Variants in MTR observed in about 807,000 individuals in gnomAD.
The protein encoded by MTR is methionine synthase.
A neutral mutation model predicts 154.8 loss-of-function variants in MTR; 84 were observed. The observed-to-expected ratio is 0.54, with a 90% confidence interval of 0.45 to 0.65. The LOEUF (loss-of-function observed/expected upper bound fraction) is 0.65, where lower values mean the gene tolerates loss of function less well. MTR is among the 30% of genes least tolerant of loss of function. The pLI is 0.00. For missense variants in MTR, 1,275 were observed against 1,570.2 expected (o/e 0.81, Z 3.18); for synonymous variants, 554 against 553.9 (o/e 1.00, Z 0.00).
At chr1:236,892,523 A>T (rs1666385518) in intron 29 of MTR, among the ~76,000 whole-genome samples, 1 of 152,150 alleles carries the variant, frequency 6.6e-6, no homozygotes, top group Non-Finnish European at 1.5e-5. Flanking sequence ...TTTAATCCCA[A>T]CCACAATATA....
intron 22 of MTR, among the ~76,000 whole-genome samples, chr1:236,868,275 A>G (rs1558324139): frequency 6.7e-6 from 1 of 150,272 alleles, no homozygotes; most frequent in African/African-American, 2.4e-5. Context: ...GATCATTAGC[A>G]TTTTTTTTTT....
rs184198115 is a variant in MTR at position 236,856,332 on chromosome 1, C to T, written c.1953+3244C>T. ...GATGGGACTGTGAACATCAGAGGGACTTTTTCTTTTTTTTTACTATCTCGT... is the reference window on the plus strand; with the variant it reads ...GATGGGACTGTGAACATCAGAGGGATTTTTTCTTTTTTTTTACTATCTCGT... On this transcript the variant is annotated intron_variant, in intron 18 of 32. Transcript: ENST00000366577. 2.2e-3 allele frequency among the ~76,000 whole-genome samples: 336 copies of T among 152,032 alleles called. 2 individuals are homozygous for T. The highest frequency in any genetic ancestry group is 7.9e-3 in the African/African-American group (329 of 41,460).
rs1028919619 is a variant in MTR at position 236,897,845 on chromosome 1, T to C, written c.*201T>C. ...TGCCTGGAAAACAGGCGCTGTTTTT[T>C]TGGGACCTTGCGTGAAGAGCAGTGA... is the stretch of plus-strand genomic sequence containing the variant. On this transcript the variant is annotated 3_prime_UTR_variant, in exon 33 of 33. Coordinates refer to ENST00000366577, the MANE Select transcript of MTR (RefSeq NM_000254.3). 1.7e-5 allele frequency: 10 copies of C among 597,530 alleles called. No individual in the cohort carries two copies. The highest frequency in any genetic ancestry group is 9.0e-5 in the Admixed American group (3 of 33,456). 37.0% of individuals were successfully genotyped at this position (597,530 alleles called of 1,614,324 possible). A position where few individuals can be genotyped will look rare whatever the true frequency, so the allele number is the denominator to read the frequency against.
At chr1:236,873,863 G>T (rs537206504) in intron 23 of MTR, 23 bp downstream of exon 23, 1 of 1,608,016 alleles carries the variant, frequency 6.2e-7, no homozygotes, top group Non-Finnish European at 8.5e-7. Context: ...TATACTTTGG[G>T]CATTTCTCTA....
intron 12 of MTR, among the ~76,000 whole-genome samples, chr1:236,829,497 C>T (rs1272435305): frequency 6.6e-6 from 1 of 152,150 alleles, no homozygotes; most frequent in African/African-American, 2.4e-5. Flanking sequence ...AGGTGATTTG[C>T]CCAGGTAGAG....
intron 22 of MTR, among the ~76,000 whole-genome samples, chr1:236,867,394 A>G (rs535727448): frequency 6.6e-6 from 1 of 152,344 alleles, no homozygotes; most frequent in African/African-American, 2.4e-5. Flanking sequence ...TGCTCAGTAA[A>G]AAAGATTCCT....
rs555248215 is a variant in MTR, at chr1:236,857,383, A to G, written c.1954-2450A>G. 2.0e-5 allele frequency among the ~76,000 whole-genome samples: 3 copies of G among 152,240 alleles called. No individual in the cohort carries two copies. In the East Asian group the frequency reaches 5.8e-4, roughly 29 times the overall value. ...CAAGGACTATTAAAATATTCTCCCC[A>G]TTTTGTGATTCCCTTAAAAATGTGA... is the stretch of plus-strand genomic sequence containing the variant. On this transcript the variant is annotated intron_variant, in intron 18 of 32. Coordinates refer to ENST00000366577, the MANE Select transcript of MTR (RefSeq NM_000254.3).
intron 8 of MTR, among the ~76,000 whole-genome samples, chr1:236,821,802 T>G (rs1331813929): frequency 6.6e-6 from 1 of 152,246 alleles, no homozygotes; most frequent in African/African-American, 2.4e-5. Flanking sequence ...TCCAGCACCA[T>G]TTATTGGAAA....
chr1:236,813,358 G>A (rs1572198100), intron 6 of MTR, among the ~76,000 whole-genome samples: 1 of 152,162 alleles, frequency 6.6e-6, no homozygotes, highest in Non-Finnish European at 1.5e-5. Context: ...TTATACATAC[G>A]TTTTTACACA....
rs909419079 is a variant in MTR, at chr1:236,900,503, C to G, written c.*2859C>G. The G allele has an allele frequency of 6.5e-6, 1 of 154,294 alleles. No homozygotes were observed. The highest frequency in any genetic ancestry group is 2.4e-5 in the African/African-American group (1 of 41,426). The allele number at this position is 154,294 out of a possible 1,614,324, so 9.6% of individuals were successfully genotyped here. A position where few individuals can be genotyped will look rare whatever the true frequency, so the allele number is the denominator to read the frequency against. On this transcript the variant is annotated 3_prime_UTR_variant, in exon 33 of 33. Coordinates refer to ENST00000366577, the MANE Select transcript of MTR (RefSeq NM_000254.3). ...AGGGACAGGAGCACATAGGTAGATG[C>G]CAAGTTATGCAGCTGTTCTGGTTCC...
rs778650384 is a variant in MTR, at chr1:236,826,811, G to A, written c.928-18G>A. On this transcript the variant is annotated intron_variant, in intron 10 of 32. Coordinates refer to ENST00000366577, the MANE Select transcript of MTR (RefSeq NM_000254.3). ...ATTCAAGTGAACTTGCTGAAACTTT[G>A]TCTCTTCCTAAATGCAGGATTTTGC... 3 of 1,612,988 alleles carry A rather than the reference G, an allele frequency of 1.9e-6. No individual in the cohort carries two copies. Among genetic ancestry groups the A allele is most frequent in the Non-Finnish European group, 2.5e-6 (3 of 1,178,984 alleles).
At chr1:236,889,711 C>T (rs1482001960) in intron 28 of MTR, among the ~76,000 whole-genome samples, 2 of 152,090 alleles carry the variant, frequency 1.3e-5, no homozygotes, top group African/African-American at 4.8e-5. Context: ...ACTGGGAGGT[C>T]AGGGCAGGCT....
intron 32 of MTR, among the ~76,000 whole-genome samples, 192 bp downstream of exon 32, chr1:236,897,310 G>GCGCGCGCACACACACGCA: frequency 7.8e-6 from 1 of 128,614 alleles, no homozygotes; most frequent in Non-Finnish European, 1.7e-5. Context: ...CCACACACAC[G>GCGCGCGCACACACACGCA]CACACACACA....
intron 12 of MTR, 129 bp downstream of exon 12, chr1:236,829,397 C>T (rs181019395): frequency 1.3e-4 from 108 of 818,788 alleles, no homozygotes; most frequent in Middle Eastern, 2.3e-4. Flanking sequence ...ATATTCTTGG[C>T]GCTTAAATGA....
chr1:236,874,708 T>TAA lies in MTR; in HGVS notation c.2474-5_2474-4dup, dbSNP rs546254033. On this transcript the variant is annotated splice_polypyrimidine_tract_variant and intron_variant, in intron 23 of 32. Transcript: ENST00000366577. ...ACTGTCCTTTTTGTCCTTTTTTTTT[T>TAA]AAAAAAAAAAAAAATAGATATAATT... 40,448 of 1,221,120 alleles carry TAA rather than the reference T, an allele frequency of 0.033. 171 individuals are homozygous for TAA. The highest frequency in any genetic ancestry group is 0.038 in the Non-Finnish European group (34,441 of 917,076). 75.6% of individuals were successfully genotyped at this position (1,221,120 alleles called of 1,614,324 possible).
chr1:236,884,978 C>G, intron 25 of MTR, 143 bp from the exon 26 acceptor site: 1 of 686,784 alleles, frequency 1.5e-6, no homozygotes, highest in Admixed American at 2.1e-5. Flanking sequence ...TTTTCCTGCA[C>G]GCCAGGCAGG....
In MTR at chr1:236,891,280, T is replaced by G. The variant is rs1666303969; in HGVS notation, c.3155T>G (p.Val1052Gly). Residue 1052 changes from valine to glycine, a missense_variant, in exon 29 of 33, where the codon GTG becomes GGG. Transcript: ENST00000366577. ...ATTCACCTGTACGCAGAGGCTGCTG[T>G]GCCCCAGGCTGCAGAGCCCATAGCC... ...DDIHLYAEAA[V>G]PQAAEPIATF... 1.2e-6 allele frequency: 2 copies of G among 1,614,126 alleles called. No homozygotes were observed. The highest frequency in any genetic ancestry group is 3.3e-5 in the Admixed American group (2 of 60,014).
Position 236,874,755 on chromosome 1 carries a change from C to G in MTR, c.2503C>G (p.Pro835Ala), listed in dbSNP as rs1363763408. 1 of 1,610,952 alleles carries G rather than the reference C, an allele frequency of 6.2e-7. No homozygotes were observed. Residue 835 changes from proline (P) to alanine (A), a missense_variant, in exon 24 of 33, where the codon CCT becomes GCT. By Grantham distance (27) the Pro-to-Ala change is conservative (BLOSUM62 -1). Transcript: ENST00000366577. ...AATTGGCCTGTCAGGACTCATCACT[C>G]CTTCCCTGGATGAAATGATTTTTGT... The part of the protein sequence containing the change: ...DIIGLSGLIT[P>A]SLDEMIFVAK...
intron 6 of MTR, among the ~76,000 whole-genome samples, chr1:236,814,797 A>G (rs943116272): frequency 8.5e-5 from 13 of 152,246 alleles, no homozygotes; most frequent in African/African-American, 3.1e-4. Flanking sequence ...CTATTCTTAT[A>G]TGTTTGTTTT....
Sources: gnomAD v4.1 joint callset for allele counts (sites outside exome capture counted in the v4.1 genomes callset) on GRCh38, gnomAD v4.1.1 for gene constraint, MANE v1.5 for transcripts, NCBI Gene and HGNC (gene_info 2026-07-23, HGNC 2026-07-21) for gene names.